The following KCND3 variants were observed in gnomAD, a reference collection of about 807,000 sequenced individuals.
The protein encoded by KCND3 is potassium voltage-gated channel subfamily D member 3, also known as A-type voltage-gated potassium channel KCND3.
A neutral mutation model predicts 51.1 loss-of-function variants in KCND3; 9 were observed. That is an observed-to-expected ratio of 0.18 (90% CI 0.11 to 0.31). The LOEUF is 0.31. Ranked by LOEUF, KCND3 falls within the 10% of genes least tolerant of loss-of-function variation. KCND3 has a pLI of 1.00. For missense variants in KCND3, 526 were observed against 903.8 expected (o/e 0.58, Z 5.36); for synonymous variants, 349 against 368.0 (o/e 0.95, Z 0.59).
chr1:111,796,091 T>G (rs868266707), intron 2 of KCND3, among the ~76,000 whole-genome samples: 1 of 152,250 alleles, frequency 6.6e-6, no homozygotes, highest in African/African-American at 2.4e-5. Flanking sequence ...ATTAAACCTT[T>G]GTCGGATTGC....
intron 2 of KCND3, among the ~76,000 whole-genome samples, chr1:111,970,085 C>T (rs1441913741): frequency 6.6e-6 from 1 of 151,812 alleles, no homozygotes; most frequent in African/African-American, 2.4e-5. Context: ...GGCGCGATCT[C>T]AGCTCTCTGC....
intron 2 of KCND3, among the ~76,000 whole-genome samples, chr1:111,907,300 A>T (rs950341998): frequency 1.3e-5 from 2 of 152,244 alleles, no homozygotes; most frequent in African/African-American, 4.8e-5. Flanking sequence ...CTCTCAGACC[A>T]TATCCTATTG....
At chr1:111,825,510 T>C (rs918592562) in intron 2 of KCND3, among the ~76,000 whole-genome samples, 1 of 152,210 alleles carries the variant, frequency 6.6e-6, no homozygotes, top group Non-Finnish European at 1.5e-5. Context: ...TTGTCTTCCA[T>C]GGTGTGAGCT....
At chr1:111,809,651 G>A (rs1261689701) in intron 2 of KCND3, among the ~76,000 whole-genome samples, 3 of 97,872 alleles carry the variant, frequency 3.1e-5, no homozygotes, top group Non-Finnish European at 6.0e-5. Flanking sequence ...CACATTTCCC[G>A]TGTGTGTGTG....
chr1:111,984,835 A>C (rs1675175893), intron 1 of KCND3, among the ~76,000 whole-genome samples: 1 of 152,006 alleles, frequency 6.6e-6, no homozygotes, highest in Admixed American at 6.6e-5. Flanking sequence ...CTCCTATTAG[A>C]ATCCTACCTA....
At chr1:111,858,843 C>T (rs181486859) in intron 2 of KCND3, among the ~76,000 whole-genome samples, 1 of 152,352 alleles carries the variant, frequency 6.6e-6, no homozygotes, top group African/African-American at 2.4e-5. Context: ...CACTCCCCTG[C>T]CCCCAGGCTG....
At chr1:111,857,287 G>A (rs1427200801) in intron 2 of KCND3, among the ~76,000 whole-genome samples, 4 of 152,156 alleles carry the variant, frequency 2.6e-5, no homozygotes, top group South Asian at 2.1e-4. Context: ...AGCCCTGGGC[G>A]TGGGGTCACA....
At chr1:111,869,517 T>C (rs1458459490) in intron 2 of KCND3, among the ~76,000 whole-genome samples, 2 of 152,100 alleles carry the variant, frequency 1.3e-5, no homozygotes, top group East Asian at 1.9e-4. Flanking sequence ...AACTGGACAA[T>C]AAATAGGGAC....
intron 2 of KCND3, among the ~76,000 whole-genome samples, chr1:111,957,992 C>A (rs1236965869): frequency 6.6e-6 from 1 of 152,200 alleles, no homozygotes; most frequent in East Asian, 1.9e-4. Context: ...AGATCCTGGG[C>A]AGAGCTGACT....
intron 2 of KCND3, among the ~76,000 whole-genome samples, chr1:111,800,019 C>G (rs964689331): frequency 6.6e-6 from 1 of 151,654 alleles, no homozygotes; most frequent in African/African-American, 2.4e-5. Context: ...CTCTGCCCGG[C>G]CACCACCCCG....
intron 2 of KCND3, among the ~76,000 whole-genome samples, chr1:111,825,408 A>G (rs1208340787): frequency 6.6e-6 from 1 of 152,188 alleles, no homozygotes; most frequent in East Asian, 1.9e-4. Flanking sequence ...CAAGTTCCTC[A>G]TGTTGATTGT....
intron 2 of KCND3, among the ~76,000 whole-genome samples, chr1:111,900,249 C>A (rs191407717): frequency 6.6e-6 from 1 of 152,298 alleles, no homozygotes; most frequent in Admixed American, 6.5e-5. Context: ...TCTTTACCTC[C>A]CTCTGGAAAG....
chr1:111,964,595 A>G (rs1239091102), intron 2 of KCND3, among the ~76,000 whole-genome samples: 6 of 152,206 alleles, frequency 3.9e-5, no homozygotes, highest in African/African-American at 1.4e-4. Flanking sequence ...ACACCAGCAC[A>G]CTTGGAGCAG....
chr1:111,943,075 T>C (rs1228865365), intron 2 of KCND3, among the ~76,000 whole-genome samples: 1 of 151,928 alleles, frequency 6.6e-6, no homozygotes, highest in Non-Finnish European at 1.5e-5. Context: ...AAGGGCAAAC[T>C]GTCCGGGAGA....
At chr1:111,776,363 G>A (rs1664111944) in intron 7 of KCND3, 85 bp from the exon 8 acceptor site, 5 of 1,256,370 alleles carry the variant, frequency 4.0e-6, no homozygotes, top group African/African-American at 1.5e-5. Flanking sequence ...TCTTGCTCGT[G>A]GTAACTAGGA....
rs141812262 is a variant in KCND3, at chr1:111,841,287, G to A, written c.1107-54181C>T. Among the ~76,000 whole-genome samples, 288 of 152,302 alleles carry A rather than the reference G, an allele frequency of 1.9e-3. 1 individual carries two copies. The highest frequency in any genetic ancestry group is 6.7e-3 in the African/African-American group (277 of 41,560). The stretch of plus-strand genomic sequence containing the variant: ...ATTCAGACAAGCATGCACCTTTCAG[G>A]CACGTAGTGTTTCTCTTTCTCTGCG... On this transcript the variant is annotated intron_variant, in intron 2 of 7. Coordinates refer to ENST00000302127, the MANE Select transcript of KCND3 (RefSeq NM_001378969.1).
chr1:111,810,069 C>A (rs1440308876), intron 2 of KCND3, among the ~76,000 whole-genome samples: 1 of 152,212 alleles, frequency 6.6e-6, no homozygotes, highest in African/African-American at 2.4e-5. Flanking sequence ...GATGCATGAC[C>A]AGCTCCAGCT....
At chr1:111,803,235 A>G (rs1281060576) in intron 2 of KCND3, among the ~76,000 whole-genome samples, 1 of 151,998 alleles carries the variant, frequency 6.6e-6, no homozygotes, top group Non-Finnish European at 1.5e-5. Context: ...TGAGCTGGTG[A>G]CAGTGGAGGC....
At chr1:111,960,025 C>T (rs924715673) in intron 2 of KCND3, among the ~76,000 whole-genome samples, 8 of 150,174 alleles carry the variant, frequency 5.3e-5, no homozygotes, top group African/African-American at 1.5e-4. Context: ...TCTCTCCTGC[C>T]GCCATGTGGA....
Sources: gnomAD v4.1 joint callset for allele counts (sites outside exome capture counted in the v4.1 genomes callset) on GRCh38, gnomAD v4.1.1 for gene constraint, MANE v1.5 for transcripts, NCBI Gene and HGNC (gene_info 2026-07-23, HGNC 2026-07-21) for gene names.